SLC39A10: variants seen among roughly 807,000 people sequenced by gnomAD.
SLC39A10 encodes the protein solute carrier family 39 member 10.
SLC39A10 carries 13 observed loss-of-function variants against 65.1 expected under a neutral mutation model. The ratio of observed to expected loss-of-function variants is 0.20; its 90% CI spans 0.13 to 0.32. SLC39A10 has a LOEUF of 0.32. Among genes scored for constraint, SLC39A10 ranks in the 10% least tolerant of loss-of-function variants. The pLI is 1.00. For missense variants in SLC39A10, 831 were observed against 1,018.4 expected (o/e 0.82, Z 2.50); for synonymous variants, 321 against 342.2 (o/e 0.94, Z 0.68).
intron 2 of SLC39A10, among the ~76,000 whole-genome samples, chr2:195,631,753 C>T (rs897931129): frequency 6.6e-6 from 1 of 152,130 alleles, no homozygotes. Flanking sequence ...AAATGCACAA[C>T]TACTACTATA....
intron 2 of SLC39A10, among the ~76,000 whole-genome samples, chr2:195,620,127 T>C (rs1688321319): frequency 6.6e-6 from 1 of 152,124 alleles, no homozygotes; most frequent in Non-Finnish European, 1.5e-5. Flanking sequence ...TTTCACCATG[T>C]TGGTCAGGCT....
At chr2:195,678,783 CAG>C (rs929081179) in intron 1 of SLC39A10, among the ~76,000 whole-genome samples, 1 of 151,774 alleles carries the variant, frequency 6.6e-6, no homozygotes, top group Non-Finnish European at 1.5e-5. Context: ...AAATACATGA[CAG>C]ATTTCAAAGA....
chr2:195,677,104 T>C lies in SLC39A10; in HGVS notation c.-11-2928T>C, dbSNP rs149395197. On this transcript the variant is annotated intron_variant, in intron 1 of 9. Coordinates refer to ENST00000359634, the MANE Select transcript of SLC39A10 (RefSeq NM_020342.3). ...TATAAAACTTTGTATTGAAATAGAC[T>C]GTGTTCAGAAAGTACACAGAGCATA... is the stretch of plus-strand genomic sequence containing the variant. Among the ~76,000 whole-genome samples, 324 of 152,328 alleles carry C rather than the reference T, an allele frequency of 2.1e-3. 1 individual carries two copies. The highest frequency in any genetic ancestry group is 7.3e-3 in the African/African-American group (303 of 41,580).
At chr2:195,629,661 G>T (rs989501754) in intron 2 of SLC39A10, among the ~76,000 whole-genome samples, 1 of 152,194 alleles carries the variant, frequency 6.6e-6, no homozygotes, top group Admixed American at 6.5e-5. Flanking sequence ...CTCAGTATAT[G>T]TCATGGCAAT....
chr2:195,676,812 C>A (rs183719797), intron 1 of SLC39A10, among the ~76,000 whole-genome samples: 4 of 152,166 alleles, frequency 2.6e-5, no homozygotes, highest in African/African-American at 7.2e-5. Context: ...CAAAACTAAA[C>A]AGCTACCAGG....
chr2:195,731,638 T>C (rs906507378), intron 9 of SLC39A10, among the ~76,000 whole-genome samples: 5 of 152,190 alleles, frequency 3.3e-5, no homozygotes, highest in African/African-American at 9.7e-5. Context: ...TATAGTTTAA[T>C]GAAGAAGAAA....
intron 2 of SLC39A10, among the ~76,000 whole-genome samples, chr2:195,632,254 G>A (rs1313090467): frequency 7.7e-6 from 1 of 129,514 alleles, no homozygotes; most frequent in Non-Finnish European, 1.6e-5. Context: ...GAGTGGTAAT[G>A]TCAAATACAA....
chr2:195,736,946 C>T lies in SLC39A10; in HGVS notation c.*1905C>T, dbSNP rs1406930086. ...GTTCACTTTTGGGTTTTTATACCCA[C>T]GGTAGGATTCTGCATTCCAGCATTA... On this transcript the variant is annotated 3_prime_UTR_variant, in exon 10 of 10. Transcript: ENST00000359634. 1 of 152,548 alleles carries T rather than the reference C, an allele frequency of 6.6e-6. No individual in the cohort carries two copies. Among genetic ancestry groups the T allele is most frequent in the Non-Finnish European group, 1.5e-5 (1 of 68,016 alleles). 9.4% of individuals were successfully genotyped at this position (152,548 alleles called of 1,614,324 possible).
intron 8 of SLC39A10, among the ~76,000 whole-genome samples, chr2:195,718,817 A>AT (rs1429915309): frequency 3.9e-5 from 6 of 152,144 alleles, no homozygotes; most frequent in Non-Finnish European, 8.8e-5. Flanking sequence ...CTGGATGGTT[A>AT]TTAAAGATAG....
chr2:195,725,106 C>A (rs1484871461), intron 8 of SLC39A10, among the ~76,000 whole-genome samples: 2 of 151,860 alleles, frequency 1.3e-5, no homozygotes, highest in Non-Finnish European at 2.9e-5. Context: ...AAGAAAAATA[C>A]CTTTGACCCA....
intron 8 of SLC39A10, among the ~76,000 whole-genome samples, chr2:195,721,029 C>G (rs1692015305): frequency 6.6e-6 from 1 of 152,122 alleles, no homozygotes; most frequent in East Asian, 1.9e-4. Context: ...GCAGCCTTGA[C>G]CTCCTGGGTT....
intron 3 of SLC39A10, among the ~76,000 whole-genome samples, chr2:195,687,745 A>G (rs933454116): frequency 6.6e-6 from 1 of 152,210 alleles, no homozygotes; most frequent in East Asian, 1.9e-4. Context: ...CTACTACCTC[A>G]TTAACTTTGT....
intron 6 of SLC39A10, among the ~76,000 whole-genome samples, chr2:195,713,808 C>G (rs1368967814): frequency 1.3e-5 from 2 of 152,080 alleles, no homozygotes; most frequent in African/African-American, 4.8e-5. Context: ...ATAGATGAAC[C>G]TATCTTTCAG....
intron 1 of SLC39A10, among the ~76,000 whole-genome samples, chr2:195,665,185 C>T (rs1689589415): frequency 6.6e-6 from 1 of 152,138 alleles, no homozygotes; most frequent in Admixed American, 6.5e-5. Flanking sequence ...GGTGTGGTAG[C>T]AGGTGCCTGT....
intron 1 of SLC39A10, among the ~76,000 whole-genome samples, chr2:195,672,181 C>G (rs115890699): frequency 0.017 from 2,553 of 152,044 alleles, 69 homozygotes; most frequent in African/African-American, 0.058. Context: ...GGCTGGAGTG[C>G]ACAGCACAGC....
intron 1 of SLC39A10, among the ~76,000 whole-genome samples, chr2:195,675,959 ACTGT>A (rs1044167347): frequency 6.6e-6 from 1 of 151,988 alleles, no homozygotes; most frequent in Non-Finnish European, 1.5e-5. Context: ...TTTGCCTGTT[ACTGT>A]CTTAGAGCCT....
intron 9 of SLC39A10, among the ~76,000 whole-genome samples, chr2:195,730,494 CT>C (rs2105848466): frequency 6.6e-6 from 1 of 152,298 alleles, no homozygotes; most frequent in African/African-American, 2.4e-5. Context: ...CACGCCCAGT[CT>C]TTTGTCAGTA....
rs537397672 is a variant in SLC39A10 at position 195,704,013 on chromosome 2, A to G, written c.1217-2603A>G. Among the ~76,000 whole-genome samples the G allele has an allele frequency of 3.6e-4, 55 of 152,306 alleles. 1 individual carries two copies. In the South Asian group the frequency reaches 0.011, roughly 29 times the overall value. ...TAATTCTAGTGCATTCTTGGCTAAA[A>G]TAATTCTGATTAATAAAAATTTCTA... On this transcript the variant is annotated intron_variant, in intron 3 of 9. Transcript: ENST00000359634.
chr2:195,633,376 C>T (rs1029701789), intron 2 of SLC39A10, among the ~76,000 whole-genome samples: 6 of 152,234 alleles, frequency 3.9e-5, no homozygotes, highest in African/African-American at 1.4e-4. Context: ...CCATGTGGGA[C>T]CCGAGGCAGC....
Sources: gnomAD v4.1 joint callset for allele counts (sites outside exome capture counted in the v4.1 genomes callset) on GRCh38, gnomAD v4.1.1 for gene constraint, MANE v1.5 for transcripts, NCBI Gene and HGNC (gene_info 2026-07-23, HGNC 2026-07-21) for gene names.